Variants in AGAP1 observed in about 807,000 individuals in gnomAD.
The protein encoded by AGAP1 is arf-GAP with GTPase, ANK repeat and PH domain-containing protein 1.
A neutral mutation model predicts 105.3 loss-of-function variants in AGAP1; 29 were observed. The observed-to-expected ratio is 0.28, with a 90% CI of 0.21 to 0.38. The LOEUF is 0.38. Ranked by LOEUF, AGAP1 falls within the 10% of genes least tolerant of loss-of-function variation. The probability of loss-of-function intolerance (pLI) is 1.00; values close to 1 mark genes in which losing one functional copy is unlikely to be tolerated. For missense variants in AGAP1, 998 were observed against 1,165.1 expected, an observed-to-expected ratio of 0.86 and a Z score of 2.09; for synonymous variants, 509 against 485.9, an observed-to-expected ratio of 1.05 and a Z score of -0.63.
intron 1 of AGAP1, among the ~76,000 whole-genome samples, chr2:235,595,574 G>A (rs531282788): frequency 6.6e-6 from 1 of 152,206 alleles, no homozygotes; most frequent in Non-Finnish European, 1.5e-5. Flanking sequence ...CCTACAAAGT[G>A]AAGGCTGGAT....
intron 6 of AGAP1, among the ~76,000 whole-genome samples, chr2:235,782,591 T>C (rs963191522): frequency 6.6e-6 from 1 of 151,990 alleles, no homozygotes; most frequent in Non-Finnish European, 1.5e-5. Flanking sequence ...GTTGTTTTTT[T>C]CCCCCTTCAA....
chr2:235,528,728 G>A (rs1009124064), intron 1 of AGAP1, among the ~76,000 whole-genome samples: 1 of 152,178 alleles, frequency 6.6e-6, no homozygotes, highest in Non-Finnish European at 1.5e-5. Flanking sequence ...CCAGGCTGGA[G>A]TGCAGTGGCG....
At chr2:235,738,965 CT>C (rs1952417981) in intron 3 of AGAP1, among the ~76,000 whole-genome samples, 1 of 152,210 alleles carries the variant, frequency 6.6e-6, no homozygotes, top group South Asian at 2.1e-4. Context: ...AATAATACTA[CT>C]ATCACTGTTG....
chr2:235,772,943 A>G (rs1176189567), intron 6 of AGAP1, among the ~76,000 whole-genome samples: 2 of 148,566 alleles, frequency 1.3e-5, no homozygotes, highest in African/African-American at 2.4e-5. Flanking sequence ...AAAAGCACCA[A>G]GCTGTCTGTA....
intron 12 of AGAP1, among the ~76,000 whole-genome samples, chr2:235,946,977 C>T (rs2053529538): frequency 6.6e-6 from 1 of 152,198 alleles, no homozygotes; most frequent in South Asian, 2.1e-4. Flanking sequence ...CACCAGTCAC[C>T]TTCTGACAGC....
In AGAP1 at chr2:236,014,726, T is replaced by TTC. The variant is rs1553545120; in HGVS notation, c.1646-21835_1646-21834insTC. ...CACGTGCTACTTTGACCTTTTTTTT[T>TTC]CTCCCCTTTTCATTTGTTTTCTTTT... is the stretch of plus-strand genomic sequence containing the variant. On this transcript the variant is annotated intron_variant, in intron 13 of 17. Coordinates refer to ENST00000304032, the MANE Select transcript of AGAP1 (RefSeq NM_001037131.3). This position sits in a 1 kb window ranked among gnomAD's most constrained non-coding sequence, Gnocchi z 6.3. The TTC allele has an allele frequency of 2.6e-5, 10 of 383,384 alleles. No homozygotes were observed. The highest frequency in any genetic ancestry group is 4.3e-5 in the Non-Finnish European group (8 of 187,286). The allele number at this position is 383,384 out of a possible 1,614,324, so 23.7% of individuals were successfully genotyped here.
At chr2:235,710,337 G>C (rs1051776178) in intron 2 of AGAP1, among the ~76,000 whole-genome samples, 4 of 152,230 alleles carry the variant, frequency 2.6e-5, no homozygotes, top group Non-Finnish European at 5.9e-5. Flanking sequence ...AAAAGTATTT[G>C]TTTTTAAACT....
chr2:235,496,638 G>T (rs1941331222), intron 1 of AGAP1, among the ~76,000 whole-genome samples: 1 of 152,182 alleles, frequency 6.6e-6, no homozygotes, highest in African/African-American at 2.4e-5. Flanking sequence ...GGCTGAGTGG[G>T]GTTCACAACA....
chr2:235,673,194 G>T (rs1025472562), intron 1 of AGAP1, among the ~76,000 whole-genome samples: 2 of 152,214 alleles, frequency 1.3e-5, no homozygotes, highest in African/African-American at 4.8e-5. Flanking sequence ...GGTAAAAGGT[G>T]TAGCCCCCAT....
At chr2:235,497,685 C>T (rs140184020) in intron 1 of AGAP1, among the ~76,000 whole-genome samples, 2,573 of 152,322 alleles carry the variant, frequency 0.017, 56 homozygotes, top group East Asian at 0.062. Context: ...CAGGCTCCGC[C>T]CCGGGTTCAC....
intron 1 of AGAP1, among the ~76,000 whole-genome samples, chr2:235,604,883 A>G (rs1353387983): frequency 3.9e-5 from 5 of 128,878 alleles, no homozygotes; most frequent in African/African-American, 9.0e-5. Flanking sequence ...CGCCCAGCCT[A>G]TTACCATTTT....
rs1217287845 is a variant in AGAP1 at position 235,723,841 on chromosome 2, C to G, written c.310+6197C>G. 6.6e-6 allele frequency among the ~76,000 whole-genome samples: 1 copy of G among 151,956 alleles called. No homozygotes were observed. The highest frequency in any genetic ancestry group is 1.5e-5 in the Non-Finnish European group (1 of 68,004). On this transcript the variant is annotated intron_variant, in intron 3 of 17. Transcript: ENST00000304032. This position sits in a 1 kb window ranked among gnomAD's most constrained non-coding sequence, Gnocchi z 6.2. ...ACTTAAGAATGTTCATAGACCAACT[C>G]CAAGCTGCAAAATGAAAGTACCGAG...
rs1340693929 is a variant in AGAP1 at position 235,535,455 on chromosome 2, G to T, written c.163+40606G>T. Among the ~76,000 whole-genome samples, 1 of 151,180 alleles carries T rather than the reference G, an allele frequency of 6.6e-6. No individual in the cohort carries two copies. Among genetic ancestry groups the T allele is most frequent in the Admixed American group, 6.6e-5 (1 of 15,150 alleles). ...TGCCCTTTTTCTTTTTCCCATCGAG[G>T]TGCAGGAGGAATTGATCTTAGGGTA... On this transcript the variant is annotated intron_variant, in intron 1 of 17. Coordinates refer to ENST00000304032, the MANE Select transcript of AGAP1 (RefSeq NM_001037131.3). This position sits in a 1 kb window ranked among gnomAD's most constrained non-coding sequence, Gnocchi z 5.1.
In AGAP1 at chr2:235,809,731, T is replaced by A. The variant is rs145024036; in HGVS notation, c.1050+2400T>A. Reference sequence around the variant, plus strand: ...TGTTTCTAAAGGAACATAGATCACTTCAGGTAGCCTGAATTCCTGACCTTC... The same window carrying A: ...TGTTTCTAAAGGAACATAGATCACTACAGGTAGCCTGAATTCCTGACCTTC... On this transcript the variant is annotated intron_variant, in intron 9 of 17. Coordinates refer to ENST00000304032, the MANE Select transcript of AGAP1 (RefSeq NM_001037131.3). Among the ~76,000 whole-genome samples, 430 of 152,312 alleles carry A rather than the reference T, an allele frequency of 2.8e-3. 2 individuals are homozygous for A. Among genetic ancestry groups the A allele is most frequent in the East Asian group, 0.02 (102 of 5,178 alleles).
At chr2:235,501,616 G>C (rs1363964963) in intron 1 of AGAP1, among the ~76,000 whole-genome samples, 1 of 152,136 alleles carries the variant, frequency 6.6e-6, no homozygotes, top group Non-Finnish European at 1.5e-5. Context: ...TAAACCAGGC[G>C]TTTTATTTTG....
rs1434992754 is a variant in AGAP1, at chr2:235,633,889, GCAAGAGAT to G, written c.164-75287_164-75280del. ...CCTGTGGCTCAGGGGAGAATGAGGG[GCAAGAGAT>G]CAGGAGAGCAGGAGAAGCTCAGAGA... On this transcript the variant is annotated intron_variant, in intron 1 of 17. Transcript: ENST00000304032. The surrounding 1 kb of genome is among the most constrained non-coding windows in gnomAD (Gnocchi z 4.8). Among the ~76,000 whole-genome samples, 1 of 152,174 alleles carries G rather than the reference GCAAGAGAT, an allele frequency of 6.6e-6. No individual in the cohort carries two copies. The highest frequency in any genetic ancestry group is 1.5e-5 in the Non-Finnish European group (1 of 68,038).
chr2:235,706,229 G>GT (rs1208450416), intron 1 of AGAP1, among the ~76,000 whole-genome samples: 2 of 151,842 alleles, frequency 1.3e-5, no homozygotes, highest in South Asian at 4.2e-4. Context: ...TTGTTTGTTT[G>GT]TTTTTTAAAT....
Position 235,865,409 on chromosome 2 carries a change from G to C in AGAP1, c.1051-17936G>C, listed in dbSNP as rs557392625. Among the ~76,000 whole-genome samples, 4 of 152,194 alleles carry C rather than the reference G, an allele frequency of 2.6e-5. No homozygotes were observed. The highest frequency in any genetic ancestry group is 9.6e-5 in the African/African-American group (4 of 41,466). ...CACCCACAGTAACACGTGTGGCGCCGACCCCGCCGTGCGCAATCGGGGCTT... is the reference window on the plus strand; with the variant it reads ...CACCCACAGTAACACGTGTGGCGCCCACCCCGCCGTGCGCAATCGGGGCTT... On this transcript the variant is annotated intron_variant, in intron 9 of 17. Transcript: ENST00000304032. The surrounding 1 kb of genome is among the most constrained non-coding windows in gnomAD (Gnocchi z 6.2).
At chr2:235,831,045 G>A (rs995764070) in intron 9 of AGAP1, among the ~76,000 whole-genome samples, 1 of 152,102 alleles carries the variant, frequency 6.6e-6, no homozygotes, top group Non-Finnish European at 1.5e-5. Flanking sequence ...GATGTCACAA[G>A]CATGACCCAG....
Sources: gnomAD v4.1 joint callset for allele counts (sites outside exome capture counted in the v4.1 genomes callset) on GRCh38, gnomAD v4.1.1 for gene constraint, Gnocchi (gnomAD v3.1) non-coding constraint, MANE v1.5 for transcripts, NCBI Gene and HGNC (gene_info 2026-07-23, HGNC 2026-07-21) for gene names.